Variants in THSD7B observed in about 807,000 individuals in gnomAD.
THSD7B encodes thrombospondin type 1 domain containing 7B.
THSD7B carries 138 observed loss-of-function variants against 213.6 expected under a neutral mutation model. The ratio of observed to expected loss-of-function variants is 0.65; its 90% CI spans 0.56 to 0.74. The LOEUF (loss-of-function observed/expected upper bound fraction) is 0.74. THSD7B is among the 30% of genes least tolerant of loss of function. The probability of loss-of-function intolerance (pLI) is 0.00; values close to 1 mark genes in which losing one functional copy is unlikely to be tolerated. For synonymous variants in THSD7B, 742 were observed against 687.0 expected, an observed-to-expected ratio of 1.08 and a Z score of -1.25; for missense variants, 1,931 against 1,991.5, an observed-to-expected ratio of 0.97 and a Z score of 0.58.
At chr2:137,309,852 C>A (rs1194649719) in intron 12 of THSD7B, among the ~76,000 whole-genome samples, 2 of 152,122 alleles carry the variant, frequency 1.3e-5, no homozygotes, top group Non-Finnish European at 2.9e-5. Context: ...TTTTTTATGG[C>A]TGCATAGTAT....
At chr2:137,134,075 A>G (rs372979762) in intron 5 of THSD7B, among the ~76,000 whole-genome samples, 7 of 152,338 alleles carry the variant, frequency 4.6e-5, no homozygotes, top group East Asian at 1.9e-4. Context: ...TGCTATATAA[A>G]TGCTTCATCT....
At chr2:137,624,147 A>G (rs1682576561) in intron 20 of THSD7B, among the ~76,000 whole-genome samples, 1 of 152,200 alleles carries the variant, frequency 6.6e-6, no homozygotes, top group Non-Finnish European at 1.5e-5. Flanking sequence ...CCAATGGAAC[A>G]CAACAGAGCC....
chr2:137,097,846 G>A (rs935725293), intron 4 of THSD7B, among the ~76,000 whole-genome samples: 3 of 150,642 alleles, frequency 2.0e-5, no homozygotes, highest in African/African-American at 7.3e-5. Context: ...TAGGAGTATT[G>A]GAGAATTAAC....
intron 1 of THSD7B, among the ~76,000 whole-genome samples, chr2:136,875,733 T>C (rs1683517769): frequency 6.6e-6 from 1 of 152,162 alleles, no homozygotes; most frequent in East Asian, 1.9e-4. Context: ...TTAGGTCACT[T>C]TGCAGAGTTA....
rs370989251 is a variant in THSD7B, at chr2:136,783,390, G to A, written c.-36+17703G>A. Among the ~76,000 whole-genome samples the A allele has an allele frequency of 5.3e-5, 8 of 152,098 alleles. No homozygotes were observed. In the East Asian group the frequency reaches 9.7e-4, roughly 18 times the overall value. On this transcript the variant is annotated intron_variant, in intron 1 of 27. Transcript: ENST00000409968. The stretch of plus-strand genomic sequence containing the variant: ...ACAGAGTACATGCCACGTGGTTCTC[G>A]TTGAACCAAAGGGAATTTAAGATGG...
intron 11 of THSD7B, 54 bp from the exon 12 acceptor site, chr2:137,275,869 T>A: frequency 1.5e-6 from 2 of 1,333,190 alleles, no homozygotes; most frequent in African/African-American, 2.9e-5. Context: ...TAAGTATTTC[T>A]TCCTCGTGTT....
chr2:136,911,409 T>A (rs565667381), intron 2 of THSD7B, among the ~76,000 whole-genome samples: 1 of 152,174 alleles, frequency 6.6e-6, no homozygotes, highest in Non-Finnish European at 1.5e-5. Flanking sequence ...CCTCTGGAGA[T>A]TTTATTGATA....
chr2:137,155,280 A>C (rs1038725856), intron 5 of THSD7B, among the ~76,000 whole-genome samples: 2 of 152,148 alleles, frequency 1.3e-5, no homozygotes, highest in Non-Finnish European at 2.9e-5. Context: ...TTGCTTACCT[A>C]GTCTGGCAGT....
chr2:137,061,622 A>G (rs1233746536), intron 3 of THSD7B, among the ~76,000 whole-genome samples: 2 of 151,520 alleles, frequency 1.3e-5, no homozygotes, highest in Non-Finnish European at 3.0e-5. Context: ...ATCTGATTAT[A>G]TGATTTTTGT....
intron 7 of THSD7B, among the ~76,000 whole-genome samples, chr2:137,207,001 A>AC (rs1680998647): frequency 1.3e-5 from 2 of 152,030 alleles, no homozygotes; most frequent in East Asian, 3.9e-4. Context: ...GAAGGTTTTC[A>AC]CTGTTTTTCC....
chr2:136,851,654 C>T (rs908774081), intron 1 of THSD7B, among the ~76,000 whole-genome samples: 6 of 151,968 alleles, frequency 3.9e-5, no homozygotes, highest in Non-Finnish European at 7.4e-5. Context: ...TTTTTTGAAC[C>T]GGGGCCTAGA....
At chr2:137,264,363 C>G (rs1682528705) in intron 10 of THSD7B, among the ~76,000 whole-genome samples, 1 of 151,950 alleles carries the variant, frequency 6.6e-6, no homozygotes, top group Non-Finnish European at 1.5e-5. Context: ...TGCCATTCTC[C>G]TGCCTCACCC....
chr2:137,114,838 A>C (rs992711874), intron 4 of THSD7B, among the ~76,000 whole-genome samples: 2 of 151,014 alleles, frequency 1.3e-5, no homozygotes, highest in African/African-American at 2.4e-5. Context: ...CTATTCCCTC[A>C]CTCTCTTCCA....
chr2:137,620,817 G>T, intron 20 of THSD7B, 91 bp downstream of exon 20: 1 of 1,116,150 alleles, frequency 9.0e-7, no homozygotes, highest in Non-Finnish European at 1.3e-6. Flanking sequence ...TAAGGTATGG[G>T]ACCCAGCTGA....
intron 1 of THSD7B, among the ~76,000 whole-genome samples, chr2:136,841,321 C>T (rs184632123): frequency 9.9e-5 from 15 of 152,016 alleles, no homozygotes; most frequent in African/African-American, 2.4e-4. Flanking sequence ...AAAGACCGGG[C>T]GCAGTGGCTC....
At chr2:137,561,660 G>T (rs917917019) in intron 15 of THSD7B, among the ~76,000 whole-genome samples, 4 of 152,050 alleles carry the variant, frequency 2.6e-5, no homozygotes, top group Admixed American at 2.6e-4. Context: ...TAGTATGTTT[G>T]GTTGGGGTCC....
intron 14 of THSD7B, among the ~76,000 whole-genome samples, chr2:137,442,256 A>G (rs992501431): frequency 6.6e-6 from 1 of 152,102 alleles, no homozygotes; most frequent in Non-Finnish European, 1.5e-5. Flanking sequence ...ATTTGATTTG[A>G]TTTGCCATTC....
chr2:137,072,216 A>G (rs899353414), intron 3 of THSD7B, among the ~76,000 whole-genome samples: 1 of 152,036 alleles, frequency 6.6e-6, no homozygotes, highest in Non-Finnish European at 1.5e-5. Flanking sequence ...CATTTTCACG[A>G]TATTGATTCT....
intron 13 of THSD7B, among the ~76,000 whole-genome samples, 154 bp downstream of exon 13, chr2:137,405,961 G>A (rs1357861221): frequency 6.6e-6 from 1 of 152,120 alleles, no homozygotes; most frequent in Non-Finnish European, 1.5e-5. Flanking sequence ...AACAATGCCT[G>A]GTACGTAACA....
Sources: allele counts gnomAD v4.1 joint callset (sites outside exome capture counted in the v4.1 genomes callset), GRCh38; gene constraint gnomAD v4.1.1; transcripts MANE v1.5; gene names NCBI Gene and HGNC (gene_info 2026-07-23, HGNC 2026-07-21).